The following PLXNA4 variants were observed in gnomAD, a reference collection of about 807,000 sequenced individuals.
PLXNA4 encodes the protein plexin A4.
Under a neutral mutation model 191.8 loss-of-function variants are expected in PLXNA4, and 44 were observed. The observed-to-expected ratio is 0.23, with a 90% CI of 0.18 to 0.29. PLXNA4 has a LOEUF of 0.29. Ranked by LOEUF, PLXNA4 falls within the 10% of genes least tolerant of loss-of-function variation. PLXNA4 has a pLI of 1.00. For synonymous variants in PLXNA4, 1,082 were observed against 1,009.5 expected (o/e 1.07, Z -1.36); for missense variants, 1,800 against 2,488.8 (o/e 0.72, Z 5.89).
rs144269836 is a variant in PLXNA4 at position 132,192,534 on chromosome 7, A to T, written c.2856+1528T>A. Among the ~76,000 whole-genome samples the T allele has an allele frequency of 2.8e-3, 410 of 146,236 alleles. 2 individuals carry two copies. Among genetic ancestry groups the T allele is most frequent in the African/African-American group, 9.5e-3 (378 of 39,672 alleles). ...GGAGAGAGGAAAGGAGGAGAGAGAG[A>T]TGGAGGCGAGGGGTGGGGGTGCAGA... On this transcript the variant is annotated intron_variant, in intron 14 of 31. Coordinates refer to ENST00000321063, the MANE Select transcript of PLXNA4 (RefSeq NM_020911.2).
rs530617066 is a variant in PLXNA4 at position 132,348,505 on chromosome 7, A to G, written c.1372-50283T>C. 5.4e-4 allele frequency among the ~76,000 whole-genome samples: 83 copies of G among 152,344 alleles called. 1 individual carries two copies. The highest frequency in any genetic ancestry group is 1.9e-3 in the African/African-American group (79 of 41,586). ...ACCCAGTGTTTCCTAACCTTTCCAC[A>G]TCATGACACAGAAAGATCACCGTAT... On this transcript the variant is annotated intron_variant, in intron 3 of 31. Transcript: ENST00000321063.
intron 3 of PLXNA4, among the ~76,000 whole-genome samples, chr7:132,365,364 T>TGCGTGTGC (rs144384812): frequency 1.4e-5 from 2 of 147,214 alleles, no homozygotes; most frequent in African/African-American, 5.1e-5. Flanking sequence ...TGTGTGTGCG[T>TGCGTGTGC]GCGCGCGCAT....
At chr7:132,526,776 G>T (rs993852881) in intron 1 of PLXNA4, among the ~76,000 whole-genome samples, 6 of 152,266 alleles carry the variant, frequency 3.9e-5, no homozygotes, top group African/African-American at 1.4e-4. Flanking sequence ...TAGGTCACTA[G>T]GACTGATGGC....
rs142030204 is a variant in PLXNA4, at chr7:132,428,666, G to A, written c.1371+60626C>T. On this transcript the variant is annotated intron_variant, in intron 3 of 31. Transcript: ENST00000321063. ...GGCTCCCGGTGGTCCCCTCTGTCCC[G>A]GTCCTTGAGACCACTGCCAAGACAC... Among the ~76,000 whole-genome samples, 86 of 151,988 alleles carry A rather than the reference G, an allele frequency of 5.7e-4. 1 individual carries two copies. Among genetic ancestry groups the A allele is most frequent in the East Asian group, 1.2e-3 (6 of 5,124 alleles).
intron 2 of PLXNA4, among the ~76,000 whole-genome samples, chr7:132,616,300 G>A (rs1803156713): frequency 6.6e-6 from 1 of 152,178 alleles, no homozygotes; most frequent in Non-Finnish European, 1.5e-5. Context: ...TACCTTGCCT[G>A]CCTAGCCTGT....
chr7:132,266,689 G>A (rs1337565157), intron 4 of PLXNA4, among the ~76,000 whole-genome samples: 1 of 152,198 alleles, frequency 6.6e-6, no homozygotes, highest in Non-Finnish European at 1.5e-5. Context: ...AACTTGGGTG[G>A]TTTCTCCAAC....
intron 13 of PLXNA4, among the ~76,000 whole-genome samples, chr7:132,198,008 C>T (rs1797305529): frequency 6.6e-6 from 1 of 152,126 alleles, no homozygotes; most frequent in African/African-American, 2.4e-5. Context: ...GCTGAATGAC[C>T]CATTCAGTGG....
intron 1 of PLXNA4, among the ~76,000 whole-genome samples, chr7:132,516,723 C>T (rs1258659316): frequency 2.6e-5 from 4 of 152,002 alleles, no homozygotes; most frequent in Admixed American, 6.6e-5. Flanking sequence ...TTTGGAAGGC[C>T]GAGGCAGGTG....
intron 12 of PLXNA4, among the ~76,000 whole-genome samples, chr7:132,201,412 ATATATGGCC>A (rs1289648368): frequency 6.6e-6 from 1 of 152,188 alleles, no homozygotes; most frequent in East Asian, 1.9e-4. Context: ...CATCACACAA[ATATATGGCC>A]TATGACTGTG....
chr7:132,180,866 CA>C, intron 18 of PLXNA4, 134 bp from the exon 19 acceptor site: 4 of 1,390,642 alleles, frequency 2.9e-6, no homozygotes, highest in African/African-American at 1.4e-5. Flanking sequence ...GTAATAAGTG[CA>C]AAAAATATTC....
chr7:132,479,667 T>G (rs1270383701), intron 3 of PLXNA4, among the ~76,000 whole-genome samples: 2 of 152,168 alleles, frequency 1.3e-5, no homozygotes, highest in African/African-American at 2.4e-5. Flanking sequence ...ACCATTTTTT[T>G]GGGATAGGGT....
intron 15 of PLXNA4, 53 bp downstream of exon 15, chr7:132,187,418 A>G (rs1403137222): frequency 2.2e-5 from 34 of 1,573,090 alleles, no homozygotes; most frequent in Non-Finnish European, 6.9e-6. Flanking sequence ...GAAGTCATTT[A>G]CCTGTCTAAC....
chr7:132,365,583 C>T (rs1804145272), intron 3 of PLXNA4, among the ~76,000 whole-genome samples: 1 of 151,908 alleles, frequency 6.6e-6, no homozygotes, highest in Non-Finnish European at 1.5e-5. Context: ...AATAGGAAAA[C>T]CGGAAAAGAA....
chr7:132,643,170 G>A (rs1323415609), intron 2 of PLXNA4, among the ~76,000 whole-genome samples: 1 of 152,096 alleles, frequency 6.6e-6, no homozygotes, highest in Non-Finnish European at 1.5e-5. Context: ...TTGTGGGAAG[G>A]CTTGCATGTG....
chr7:132,571,847 C>T (rs1417653577), intron 1 of PLXNA4, among the ~76,000 whole-genome samples: 1 of 152,110 alleles, frequency 6.6e-6, no homozygotes, highest in Non-Finnish European at 1.5e-5. Flanking sequence ...TTCATTTACT[C>T]ATTTTTTCCT....
intron 3 of PLXNA4, among the ~76,000 whole-genome samples, chr7:132,447,420 G>A (rs1795952258): frequency 6.6e-6 from 1 of 152,196 alleles, no homozygotes; most frequent in African/African-American, 2.4e-5. Flanking sequence ...GATCTCCTAA[G>A]TACTGATGTT....
intron 2 of PLXNA4, among the ~76,000 whole-genome samples, chr7:132,504,017 T>C (rs76753885): frequency 0.02 from 3,098 of 152,298 alleles, 76 homozygotes; most frequent in African/African-American, 0.057. Context: ...GCCTCCACAC[T>C]TGGTGCCCAC....
chr7:132,409,691 C>G (rs950421950), intron 3 of PLXNA4, among the ~76,000 whole-genome samples: 1 of 152,214 alleles, frequency 6.6e-6, no homozygotes, highest in African/African-American at 2.4e-5. Context: ...CCATCTTTCC[C>G]ACCGTTCAGA....
chr7:132,298,063 A>G, intron 4 of PLXNA4, 28 bp downstream of exon 4: 2 of 1,613,808 alleles, frequency 1.2e-6, no homozygotes, highest in Non-Finnish European at 1.7e-6. Context: ...TGCAAGACAA[A>G]TGTCTAGCGG....
Sources: gnomAD v4.1 joint callset for allele counts (sites outside exome capture counted in the v4.1 genomes callset) on GRCh38, gnomAD v4.1.1 for gene constraint, MANE v1.5 for transcripts, NCBI Gene and HGNC (gene_info 2026-07-23, HGNC 2026-07-21) for gene names.